NRXN3: variants seen among roughly 807,000 people sequenced by gnomAD.
The protein encoded by NRXN3 is neurexin III.
A neutral mutation model predicts 137.6 loss-of-function variants in NRXN3; 32 were observed. That is an observed-to-expected ratio of 0.23 (90% CI 0.18 to 0.31). The LOEUF is 0.31. Among genes scored for constraint, NRXN3 ranks in the 10% least tolerant of loss-of-function variants. The probability of loss-of-function intolerance (pLI) is 1.00; values close to 1 mark genes in which losing one functional copy is unlikely to be tolerated. For synonymous variants in NRXN3, 798 were observed against 784.5 expected, an observed-to-expected ratio of 1.02 and a Z score of -0.29; for missense variants, 1,574 against 2,062.5, an observed-to-expected ratio of 0.76 and a Z score of 4.59.
chr14:78,306,863 A>C (rs1303904234), intron 4 of NRXN3, among the ~76,000 whole-genome samples: 3 of 152,216 alleles, frequency 2.0e-5, no homozygotes, highest in Admixed American at 6.5e-5. Flanking sequence ...ACATAGACCC[A>C]GCCCTCTGAC....
At chr14:78,303,650 A>G (rs532317591) in intron 4 of NRXN3, among the ~76,000 whole-genome samples, 147 of 152,124 alleles carry the variant, frequency 9.7e-4, no homozygotes, top group South Asian at 2.3e-3. Flanking sequence ...CCCCATCTCC[A>G]AAAGTCCCAA....
intron 8 of NRXN3, among the ~76,000 whole-genome samples, chr14:78,734,251 A>C (rs919094325): frequency 3.5e-5 from 4 of 113,048 alleles, no homozygotes; most frequent in Non-Finnish European, 7.8e-5. Context: ...ACACACACAC[A>C]CACCCTTTTC....
chr14:79,383,614 C>T (rs906756321), intron 15 of NRXN3, among the ~76,000 whole-genome samples: 1 of 152,146 alleles, frequency 6.6e-6, no homozygotes, highest in Non-Finnish European at 1.5e-5. Context: ...GCTCCTCAGT[C>T]CTGGCTACAA....
intron 4 of NRXN3, among the ~76,000 whole-genome samples, chr14:78,383,735 G>A (rs2024330): frequency 0.98 from 149,327 of 152,262 alleles, 73,266 homozygotes; most frequent in Non-Finnish European, 1. Flanking sequence ...CTTACCAGTA[G>A]AATGGGGCTC....
intron 4 of NRXN3, among the ~76,000 whole-genome samples, chr14:78,613,504 T>G (rs1334580245): frequency 2.6e-5 from 4 of 151,224 alleles, no homozygotes; most frequent in Non-Finnish European, 5.9e-5. Flanking sequence ...GAGGCAACTG[T>G]GAATCTCAAG....
At chr14:78,436,053 G>C (rs1327063961) in intron 4 of NRXN3, among the ~76,000 whole-genome samples, 1 of 152,214 alleles carries the variant, frequency 6.6e-6, no homozygotes, top group East Asian at 1.9e-4. Context: ...GTAGGCTTGA[G>C]AAGCAATGAA....
chr14:78,407,284 T>C (rs979026393), intron 4 of NRXN3, among the ~76,000 whole-genome samples: 1 of 152,068 alleles, frequency 6.6e-6, no homozygotes, highest in Non-Finnish European at 1.5e-5. Context: ...GAGACATGAG[T>C]TTGGCCTGGG....
intron 10 of NRXN3, among the ~76,000 whole-genome samples, chr14:78,862,987 T>C (rs951037590): frequency 1.3e-5 from 2 of 152,122 alleles, no homozygotes; most frequent in Admixed American, 1.3e-4. Flanking sequence ...TAAATTTAAA[T>C]TAATGGAAAT....
intron 15 of NRXN3, among the ~76,000 whole-genome samples, chr14:79,211,023 T>C (rs547257438): frequency 1.3e-5 from 2 of 152,282 alleles, no homozygotes; most frequent in Admixed American, 6.5e-5. Context: ...ATAGAAAATG[T>C]GGTCGCTACT....
chr14:78,456,186 C>T (rs1241817681), intron 4 of NRXN3, among the ~76,000 whole-genome samples: 1 of 152,160 alleles, frequency 6.6e-6, no homozygotes, highest in African/African-American at 2.4e-5. Context: ...CGACACCCCC[C>T]TACGACAGTT....
intron 4 of NRXN3, among the ~76,000 whole-genome samples, chr14:78,486,820 G>A (rs1468397480): frequency 6.6e-6 from 1 of 152,180 alleles, no homozygotes; most frequent in Non-Finnish European, 1.5e-5. Flanking sequence ...TTTGGGCACA[G>A]GTAGACTTAT....
chr14:79,664,069 GAT>G, intron 17 of NRXN3, 120 bp downstream of exon 17: 3 of 1,017,904 alleles, frequency 2.9e-6, no homozygotes, highest in Non-Finnish European at 4.4e-6. Context: ...ACACATTCAT[GAT>G]TTTTTTGTAT....
At chr14:79,521,945 A>G (rs1192647756) in intron 16 of NRXN3, among the ~76,000 whole-genome samples, 1 of 152,212 alleles carries the variant, frequency 6.6e-6, no homozygotes, top group Non-Finnish European at 1.5e-5. Flanking sequence ...TTGGCTGGAT[A>G]TAAAATGTTG....
chr14:78,547,696 G>A (rs944464048), intron 4 of NRXN3, among the ~76,000 whole-genome samples: 1 of 151,238 alleles, frequency 6.6e-6, no homozygotes, highest in Non-Finnish European at 1.5e-5. Context: ...ATTTTTGGGG[G>A]AGATGTATTT....
intron 15 of NRXN3, among the ~76,000 whole-genome samples, chr14:79,241,642 C>T (rs983558605): frequency 4.6e-5 from 7 of 152,156 alleles, no homozygotes; most frequent in Non-Finnish European, 8.8e-5. Context: ...GATGGGGAAA[C>T]AGCCAAACCA....
chr14:79,023,928 G>C (rs547938772), intron 15 of NRXN3, among the ~76,000 whole-genome samples: 3 of 152,218 alleles, frequency 2.0e-5, no homozygotes, highest in African/African-American at 7.2e-5. Context: ...GGCCTTCTGT[G>C]CAGAGGGAAC....
intron 4 of NRXN3, among the ~76,000 whole-genome samples, chr14:78,350,158 G>A (rs1394162717): frequency 2.6e-5 from 4 of 152,106 alleles, no homozygotes; most frequent in African/African-American, 9.7e-5. Context: ...GCATGGTGGT[G>A]CGTACCTGTA....
chr14:78,223,766 A>G (rs1212534829), intron 1 of NRXN3, among the ~76,000 whole-genome samples: 2 of 152,224 alleles, frequency 1.3e-5, no homozygotes, highest in Admixed American at 1.3e-4. Flanking sequence ...AGGGCTGGAC[A>G]TGCTGACCTG....
intron 4 of NRXN3, among the ~76,000 whole-genome samples, chr14:78,632,108 C>T (rs1284436199): frequency 2.1e-5 from 3 of 139,642 alleles, no homozygotes; most frequent in South Asian, 2.3e-4. Context: ...AGCGAGACTC[C>T]GTCTCAAAAA....
Sources: allele counts gnomAD v4.1 joint callset (sites outside exome capture counted in the v4.1 genomes callset), GRCh38; gene constraint gnomAD v4.1.1; transcripts MANE v1.5; gene names NCBI Gene and HGNC (gene_info 2026-07-23, HGNC 2026-07-21).